The following KCNG3 variants were observed in gnomAD, a reference collection of about 807,000 sequenced individuals.
KCNG3 encodes the protein potassium voltage-gated channel modifier subfamily G member 3, also known as voltage-gated potassium channel regulatory subunit KCNG3.
KCNG3 carries 15 observed loss-of-function variants against 29.0 expected under a neutral mutation model. The observed-to-expected ratio is 0.52, with a 90% CI of 0.35 to 0.80. The LOEUF (loss-of-function observed/expected upper bound fraction) is 0.80, where lower values mean the gene tolerates loss of function less well. Among genes scored for constraint, KCNG3 ranks in the 30% least tolerant of loss-of-function variants. The pLI, the probability that KCNG3 is intolerant of heterozygous loss-of-function variation, is 0.01. For synonymous variants in KCNG3, 322 were observed against 248.9 expected, an observed-to-expected ratio of 1.29 and a Z score of -2.76; for missense variants, 512 against 605.7, an observed-to-expected ratio of 0.85 and a Z score of 1.62.
the KCNG3 span, among the ~76,000 whole-genome samples, chr2:42,407,355 C>T: frequency 2.2e-4 from 34 of 152,046 alleles, no homozygotes; most frequent in African/African-American, 5.1e-4. Flanking sequence ...TTTTTAGAGG[C>T]GGGGGCTTTA....
chr2:42,412,617 T>C, the KCNG3 span, among the ~76,000 whole-genome samples: 1 of 152,240 alleles, frequency 6.6e-6, no homozygotes, highest in East Asian at 1.9e-4. Flanking sequence ...TGGTAGACTG[T>C]TTCTTTCTGT....
chr2:42,467,830 G>A (rs1342695984), intron 1 of KCNG3, among the ~76,000 whole-genome samples: 1 of 151,872 alleles, frequency 6.6e-6, no homozygotes, highest in African/African-American at 2.4e-5. Context: ...AATTAGCCAG[G>A]CATGGTAGCA....
chr2:42,428,543 GA>G, the KCNG3 span, among the ~76,000 whole-genome samples: 13 of 150,658 alleles, frequency 8.6e-5, no homozygotes, highest in East Asian at 1.4e-3. Flanking sequence ...GACATTAAGA[GA>G]AAAAAACTCT....
the KCNG3 span, among the ~76,000 whole-genome samples, chr2:42,404,975 CA>C: frequency 6.6e-6 from 1 of 152,110 alleles, no homozygotes; most frequent in African/African-American, 2.4e-5. Flanking sequence ...AGTTTGGCAG[CA>C]AAAAAAGTCA....
At chr2:42,482,436 G>A (rs1673611005) in intron 1 of KCNG3, among the ~76,000 whole-genome samples, 1 of 152,144 alleles carries the variant, frequency 6.6e-6, no homozygotes, top group Non-Finnish European at 1.5e-5. Context: ...AAATTAGCCA[G>A]GCAGTAGGCC....
intron 1 of KCNG3, among the ~76,000 whole-genome samples, chr2:42,465,422 G>C (rs913296363): frequency 6.6e-6 from 1 of 151,964 alleles, no homozygotes; most frequent in Non-Finnish European, 1.5e-5. Flanking sequence ...TCACCATGTT[G>C]CCCAGGCTGG....
At position 42,444,521 on chromosome 2, in the gene KCNG3, C is replaced by A. The variant is rs1397864432; in HGVS notation, c.724G>T (p.Val242Phe). 1 of 1,614,118 alleles carries A rather than the reference C, an allele frequency of 6.2e-7. No homozygotes were observed. The highest frequency in any genetic ancestry group is 2.2e-5 in the East Asian group (1 of 44,878). Residue 242 changes from valine to phenylalanine, a missense_variant, in exon 2 of 2, where the codon GTC becomes TTC. This residue lies in a region of KCNG3 where 173 missense variants were observed against 262.4 expected (regional missense o/e 0.66). Transcript: ENST00000306078. The surrounding 1 kb of genome is among the most constrained non-coding windows in gnomAD (Gnocchi z 5.8). The stretch of plus-strand genomic sequence containing the variant: ...ACAAACTCACACTTGTTTTTGGAGA[C>A]AATGAACCTCACGATGCACTCGGCA... ...FTAECIVRFI[V>F]SKNKCEFVKR...
chr2:42,452,688 A>G (rs1035731756), intron 1 of KCNG3, among the ~76,000 whole-genome samples: 1 of 152,072 alleles, frequency 6.6e-6, no homozygotes, highest in Non-Finnish European at 1.5e-5. Flanking sequence ...TGTTGTTGCA[A>G]ATGGCAGGAC....
At chr2:42,396,902 G>A in the KCNG3 span, among the ~76,000 whole-genome samples, 11 of 152,312 alleles carry the variant, frequency 7.2e-5, no homozygotes, top group South Asian at 1.4e-3. Flanking sequence ...AATGTTAGTT[G>A]TTTAGGGAAC....
chr2:42,492,967 C>A lies in KCNG3; in HGVS notation c.535G>T (p.Val179Leu). 1 of 1,567,242 alleles carries A rather than the reference C, an allele frequency of 6.4e-7. No homozygotes were observed. Among genetic ancestry groups the A allele is most frequent in the Non-Finnish European group, 8.6e-7 (1 of 1,160,568 alleles). The change falls in exon 1 of 2, where the codon GTG becomes TTG. Residue 179 changes from valine (V) to leucine (L), a missense_variant. Around this residue, in one of 5 missense-constraint regions of KCNG3, gnomAD observed 228 missense variants for 200.0 expected, o/e 1.14. Transcript: ENST00000306078. ...AAQILASVSV[V>L]FVIVSMVVLC... is the part of the protein sequence containing the mutation. ...ACCACCATGGACACGATCACGAACA[C>A]CACCGACACGCTAGCCAGGATCTGC...
chr2:42,452,341 A>C (rs997306710), intron 1 of KCNG3, among the ~76,000 whole-genome samples: 1 of 150,714 alleles, frequency 6.6e-6, no homozygotes, highest in African/African-American at 2.4e-5. Context: ...AAATTCACCT[A>C]AAGCATTTAT....
At chr2:42,393,417 C>T in the KCNG3 span, among the ~76,000 whole-genome samples, 5 of 151,970 alleles carry the variant, frequency 3.3e-5, no homozygotes, top group East Asian at 1.9e-4. Flanking sequence ...AAAAATGAGC[C>T]GGGCGTGGTG....
chr2:42,493,475 G>C lies in KCNG3; in HGVS notation c.27C>G (p.Ala9=). 1.4e-6 allele frequency: 2 copies of C among 1,431,014 alleles called. No homozygotes were observed. Among genetic ancestry groups the C allele is most frequent in the Non-Finnish European group, 1.8e-6 (2 of 1,100,524 alleles). 88.6% of individuals were successfully genotyped at this position (1,431,014 alleles called of 1,614,324 possible). A position where few individuals can be genotyped will look rare whatever the true frequency, so the allele number is the denominator to read the frequency against. The change falls in exon 1 of 2, where the codon GCC becomes GCG. Residue 9 remains alanine, a synonymous_variant. Coordinates refer to ENST00000306078, the MANE Select transcript of KCNG3 (RefSeq NM_133329.6). Reference sequence around the variant, plus strand: ...CGCCGCCCACGTTCAGCACCACCGAGGCCGCCCCGCTGCGCCCGAAGGTCA... The same window carrying C: ...CGCCGCCCACGTTCAGCACCACCGACGCCGCCCCGCTGCGCCCGAAGGTCA... The part of the protein sequence containing the change: MTFGRSGA[A]SVVLNVGGAR...
At chr2:42,456,184 G>A (rs551624914) in intron 1 of KCNG3, among the ~76,000 whole-genome samples, 1 of 152,166 alleles carries the variant, frequency 6.6e-6, no homozygotes, top group East Asian at 1.9e-4. Context: ...TGAATCATCA[G>A]TATAAGATGA....
At chr2:42,412,175 T>C in the KCNG3 span, among the ~76,000 whole-genome samples, 1 of 152,200 alleles carries the variant, frequency 6.6e-6, no homozygotes, top group Non-Finnish European at 1.5e-5. Context: ...ATTACAGCTA[T>C]GATGATATGA....
At chr2:42,466,148 G>A (rs1673136560) in intron 1 of KCNG3, among the ~76,000 whole-genome samples, 1 of 152,180 alleles carries the variant, frequency 6.6e-6, no homozygotes, top group Admixed American at 6.5e-5. Context: ...GCTCACATCT[G>A]TAATCCCAAC....
At chr2:42,477,427 ATTTTTTTTTT>A (rs768215543) in intron 1 of KCNG3, among the ~76,000 whole-genome samples, 328 of 108,986 alleles carry the variant, frequency 3.0e-3, no homozygotes, top group South Asian at 8.6e-3. Context: ...ACACACATAT[ATTTTTTTTTT>A]TTTTTTTTGA....
the KCNG3 span, among the ~76,000 whole-genome samples, chr2:42,403,060 G>C: frequency 6.6e-6 from 1 of 152,144 alleles, no homozygotes; most frequent in Non-Finnish European, 1.5e-5. Flanking sequence ...TATTTTTATA[G>C]GTTTTAAAAT....
chr2:42,424,188 C>T, the KCNG3 span, among the ~76,000 whole-genome samples: 8 of 152,162 alleles, frequency 5.3e-5, no homozygotes, highest in African/African-American at 1.9e-4. Context: ...ATTCCTTGGC[C>T]TTGAAAAGGT....
Sources: allele counts gnomAD v4.1 joint callset (sites outside exome capture counted in the v4.1 genomes callset), GRCh38; gene constraint gnomAD v4.1.1; regional missense constraint gnomAD v4.1.1; non-coding constraint Gnocchi (gnomAD v3.1); transcripts MANE v1.5; gene names NCBI Gene and HGNC (gene_info 2026-07-23, HGNC 2026-07-21).